The following TMEM51 variants were observed in gnomAD, a reference collection of about 807,000 sequenced individuals.
TMEM51 encodes transmembrane protein 51, also known as chromosome 1 open reading frame 72.
Under a neutral mutation model 13.6 loss-of-function variants are expected in TMEM51, and 8 were observed. That is an observed-to-expected ratio of 0.59 (90% CI 0.35 to 1.07). TMEM51 has a LOEUF of 1.07. Ranked by LOEUF, TMEM51 falls within the 50% of genes least tolerant of loss-of-function variation. The pLI, the probability that TMEM51 is intolerant of heterozygous loss-of-function variation, is 0.02. For synonymous variants in TMEM51, 147 were observed against 144.4 expected, an observed-to-expected ratio of 1.02 and a Z score of -0.13; for missense variants, 279 against 330.7, an observed-to-expected ratio of 0.84 and a Z score of 1.21.
At chr1:15,180,144 C>A (rs1250085055) in intron 1 of TMEM51, among the ~76,000 whole-genome samples, 1 of 152,226 alleles carries the variant, frequency 6.6e-6, no homozygotes, top group African/African-American at 2.4e-5. Context: ...CTGCGGTGGG[C>A]ACCACCAGAC....
rs1361934686 is a variant in TMEM51 at position 15,161,600 on chromosome 1, G to A, written c.-267+7646G>A. On this transcript the variant is annotated intron_variant, in intron 1 of 3. Transcript: ENST00000376008. The surrounding 1 kb of genome is among the most constrained non-coding windows in gnomAD (Gnocchi z 4.0). Reference sequence around the variant, plus strand: ...GGTGCATACTTGTCTTAGTCCATTTGTGTTGCTGTAAAGAAATACCTGAGA... The same window carrying A: ...GGTGCATACTTGTCTTAGTCCATTTATGTTGCTGTAAAGAAATACCTGAGA... Among the ~76,000 whole-genome samples, 4 of 152,072 alleles carry A rather than the reference G, an allele frequency of 2.6e-5. No individual in the cohort carries two copies. The highest frequency in any genetic ancestry group is 9.7e-5 in the African/African-American group (4 of 41,336).
intron 1 of TMEM51, among the ~76,000 whole-genome samples, chr1:15,210,084 G>T (rs1644315305): frequency 6.6e-6 from 1 of 152,088 alleles, no homozygotes; most frequent in South Asian, 2.1e-4. Flanking sequence ...GGGAAGCATG[G>T]ATTCCATTTG....
At chr1:15,160,402 T>A (rs1358652964) in intron 1 of TMEM51, among the ~76,000 whole-genome samples, 2 of 152,220 alleles carry the variant, frequency 1.3e-5, no homozygotes, top group Admixed American at 1.3e-4. Context: ...GCCTCCTGAG[T>A]AGCTGGGATT....
chr1:15,219,214 A>T, intron 3 of TMEM51, 112 bp from the exon 4 acceptor site: 1 of 1,161,448 alleles, frequency 8.6e-7, no homozygotes, highest in Non-Finnish European at 1.2e-6. Flanking sequence ...TCTAAGACCC[A>T]TTTGTTATTT....
chr1:15,193,571 C>CTTTTT (rs1392623062), intron 1 of TMEM51, among the ~76,000 whole-genome samples: 48 of 80,580 alleles, frequency 6.0e-4, no homozygotes, highest in African/African-American at 9.1e-4. Flanking sequence ...TCTTTTCTTT[C>CTTTTT]TTTCTTTTTT....
chr1:15,204,419 T>A (rs1248796824), intron 1 of TMEM51, among the ~76,000 whole-genome samples: 1 of 152,232 alleles, frequency 6.6e-6, no homozygotes, highest in Non-Finnish European at 1.5e-5. Flanking sequence ...CCGGGTGTGG[T>A]GGCGCACGCC....
chr1:15,180,315 G>A lies in TMEM51; in HGVS notation c.-267+26361G>A, dbSNP rs373352051. ...TCAGCAAGACCAGCTCTAAGCTATG[G>A]ACAAAGGCTCCTCAGTCACCAGGCA... On this transcript the variant is annotated intron_variant, in intron 1 of 3. Coordinates refer to ENST00000376008, the MANE Select transcript of TMEM51 (RefSeq NM_001136218.2). Among the ~76,000 whole-genome samples, 5 of 152,328 alleles carry A rather than the reference G, an allele frequency of 3.3e-5. No homozygotes were observed. In the South Asian group the frequency reaches 1.0e-3, roughly 32 times the overall value.
intron 1 of TMEM51, among the ~76,000 whole-genome samples, chr1:15,179,000 G>A (rs1440325641): frequency 6.6e-6 from 1 of 152,138 alleles, no homozygotes; most frequent in East Asian, 1.9e-4. Flanking sequence ...AAGCTAAATG[G>A]AAATCAAAAT....
At chr1:15,191,487 G>A in intron 1 of TMEM51, among the ~76,000 whole-genome samples, 1 of 152,196 alleles carries the variant, frequency 6.6e-6, no homozygotes, top group East Asian at 1.9e-4. Flanking sequence ...AACAGTCACT[G>A]GTCCAAGTCG....
At chr1:15,203,454 A>C (rs933099940) in intron 1 of TMEM51, among the ~76,000 whole-genome samples, 2 of 150,562 alleles carry the variant, frequency 1.3e-5, no homozygotes, top group African/African-American at 4.9e-5. Context: ...GTAGAGACAG[A>C]GTTTCACCAT....
At chr1:15,196,765 G>T (rs1644058430) in intron 1 of TMEM51, among the ~76,000 whole-genome samples, 1 of 152,168 alleles carries the variant, frequency 6.6e-6, no homozygotes, top group African/African-American at 2.4e-5. Flanking sequence ...AAAGACTTAT[G>T]AACAAGTATG....
In TMEM51 at chr1:15,215,095, C is replaced by T. The variant is rs1184178621; in HGVS notation, c.8C>T (p.Ala3Val). The T allele has an allele frequency of 6.2e-7, 1 of 1,604,010 alleles. No homozygotes were observed. MM[A>V]QSKANGSHYA... Reference sequence around the variant, plus strand: ...CGCCCTCCTCCCACTGACATGATGGCCCAGTCCAAGGCCAATGGCTCGCAC... The same window carrying T: ...CGCCCTCCTCCCACTGACATGATGGTCCAGTCCAAGGCCAATGGCTCGCAC... Residue 3 changes from alanine to valine, a missense_variant, in exon 3 of 4, where the codon GCC becomes GTC. Physicochemically the swap from Ala to Val is moderately conservative, Grantham distance 64. Transcript: ENST00000376008.
chr1:15,213,086 T>C (rs12117872), intron 2 of TMEM51, among the ~76,000 whole-genome samples: 15,724 of 152,320 alleles, frequency 0.1, 998 homozygotes, highest in South Asian at 0.19. Flanking sequence ...AATCCCACAG[T>C]TCCTGTACTT....
At chr1:15,211,974 C>T (rs1892198) in intron 2 of TMEM51, among the ~76,000 whole-genome samples, 126,060 of 152,014 alleles carry the variant, frequency 0.83, 52,881 homozygotes, top group East Asian at 0.97. Context: ...ACGCTGAACA[C>T]ACTGTTGTTT....
At chr1:15,210,631 C>T (rs918884662) in intron 2 of TMEM51, 69 bp downstream of exon 2, 2 of 152,162 alleles carry the variant, frequency 1.3e-5, no homozygotes, top group East Asian at 3.8e-4. Context: ...TCATACCTCC[C>T]TTAGGGCCTC....
In TMEM51 at chr1:15,168,827, A is replaced by G. The variant is rs1370433124; in HGVS notation, c.-267+14873A>G. The G allele has an allele frequency of 2.4e-6, 3 of 1,256,632 alleles. No homozygotes were observed. The Admixed American group carries it at 7.9e-5, about 33-fold the overall frequency. 77.8% of individuals were successfully genotyped at this position (1,256,632 alleles called of 1,614,324 possible). A position where few individuals can be genotyped will look rare whatever the true frequency, so the allele number is the denominator to read the frequency against. On this transcript the variant is annotated intron_variant, in intron 1 of 3. Coordinates refer to ENST00000376008, the MANE Select transcript of TMEM51 (RefSeq NM_001136218.2). Reference sequence around the variant, plus strand: ...AGGGGAATTCCTGGGAGTCAGAGCCATATCCGGCTCATGATAAAAGTTACA... The same window carrying G: ...AGGGGAATTCCTGGGAGTCAGAGCCGTATCCGGCTCATGATAAAAGTTACA...
intron 1 of TMEM51, among the ~76,000 whole-genome samples, chr1:15,172,011 C>T (rs988440572): frequency 1.3e-5 from 2 of 152,202 alleles, no homozygotes; most frequent in African/African-American, 4.8e-5. Context: ...ACTCAGGAAT[C>T]AGATTTTCAA....
intron 2 of TMEM51, among the ~76,000 whole-genome samples, chr1:15,212,801 C>T (rs1644363025): frequency 6.6e-6 from 1 of 152,250 alleles, no homozygotes; most frequent in Admixed American, 6.5e-5. Flanking sequence ...CCTACCTGTT[C>T]ATATTCCATA....
At chr1:15,202,670 T>G (rs995741523) in intron 1 of TMEM51, among the ~76,000 whole-genome samples, 43 of 152,150 alleles carry the variant, frequency 2.8e-4, no homozygotes, top group Admixed American at 2.7e-3. Flanking sequence ...AGGCTACTAC[T>G]CATCAAATTG....
Sources: allele counts gnomAD v4.1 joint callset (sites outside exome capture counted in the v4.1 genomes callset), GRCh38; gene constraint gnomAD v4.1.1; non-coding constraint Gnocchi (gnomAD v3.1); transcripts MANE v1.5; gene names NCBI Gene and HGNC (gene_info 2026-07-23, HGNC 2026-07-21).